Variants in PAIP1 observed in about 807,000 individuals in gnomAD.
PAIP1 encodes the protein polyadenylate-binding protein-interacting protein 1.
PAIP1 carries 16 observed loss-of-function variants against 61.3 expected under a neutral mutation model. The ratio of observed to expected loss-of-function variants is 0.26; its 90% CI spans 0.18 to 0.40. The LOEUF (loss-of-function observed/expected upper bound fraction) is 0.40. Ranked by LOEUF, PAIP1 falls within the 10% of genes least tolerant of loss-of-function variation. PAIP1 has a pLI of 1.00. For synonymous variants in PAIP1, 187 were observed against 226.2 expected, an observed-to-expected ratio of 0.83 and a Z score of 1.56; for missense variants, 416 against 600.9, an observed-to-expected ratio of 0.69 and a Z score of 3.22.
chr5:43,535,005 A>T, intron 7 of PAIP1, 35 bp from the exon 8 acceptor site: 4 of 1,126,562 alleles, frequency 3.6e-6, no homozygotes, highest in Non-Finnish European at 5.4e-6. Context: ...TAGTGTATCC[A>T]CCATAAGGGC....
At chr5:43,546,143 A>G (rs945007824) in intron 3 of PAIP1, among the ~76,000 whole-genome samples, 3 of 152,246 alleles carry the variant, frequency 2.0e-5, no homozygotes, top group African/African-American at 4.8e-5. Context: ...AATTACCTCA[A>G]TGAAACTTAG....
chr5:43,543,114 G>C lies in PAIP1; in HGVS notation c.624C>G (p.Ala208=). 6.4e-7 allele frequency: 1 copy of C among 1,555,486 alleles called. No individual in the cohort carries two copies. Among genetic ancestry groups the C allele is most frequent in the Non-Finnish European group, 8.9e-7 (1 of 1,128,494 alleles). ...QELVELIYQQ[A]TSIPNFSYMG... is the part of the protein sequence containing the mutation. ...TATAAGAGAAATTTGGGATAGATGTGGCCTTTTAAAAAGAAGAAAAGTGTT... is the reference window on the plus strand; with the variant it reads ...TATAAGAGAAATTTGGGATAGATGTCGCCTTTTAAAAAGAAGAAAAGTGTT... Residue 208 remains alanine (A), a splice_region_variant and synonymous_variant, in exon 4 of 11, where the codon GCC becomes GCG. Transcript: ENST00000306846.
chr5:43,553,324 A>G (rs1236546838), intron 2 of PAIP1, among the ~76,000 whole-genome samples: 1 of 152,220 alleles, frequency 6.6e-6, no homozygotes, highest in Non-Finnish European at 1.5e-5. Flanking sequence ...TTAAGAAAGC[A>G]CAGCAGAAGA....
intron 5 of PAIP1, 79 bp downstream of exon 5, chr5:43,538,845 A>C (rs1747263677): frequency 1.3e-6 from 1 of 764,554 alleles, no homozygotes; most frequent in African/African-American, 1.7e-5. Flanking sequence ...TAAAAGTACA[A>C]TGTGAACACA....
At position 43,555,722 on chromosome 5, in the gene PAIP1, T is replaced by A. The variant is rs187245870; in HGVS notation, c.435+108A>T. 5.7e-5 allele frequency: 47 copies of A among 825,298 alleles called. 1 individual carries two copies. Among genetic ancestry groups the A allele is most frequent in the South Asian group, 3.0e-4 (12 of 40,054 alleles). 51.1% of individuals were successfully genotyped at this position (825,298 alleles called of 1,614,324 possible). A position where few individuals can be genotyped will look rare whatever the true frequency, so the allele number is the denominator to read the frequency against. On this transcript the variant is annotated intron_variant, in intron 2 of 10. Transcript: ENST00000306846. ...ATTCAAAACATTCACAATAAAAAAA[T>A]TTTTTTACGTGTAGTACAGAAAGCA... is the stretch of plus-strand genomic sequence containing the variant.
chr5:43,534,923 T>C lies in PAIP1; in HGVS notation c.1127A>G (p.Asn376Ser). 1 of 1,611,324 alleles carries C rather than the reference T, an allele frequency of 6.2e-7. No homozygotes were observed. Among genetic ancestry groups the C allele is most frequent in the South Asian group, 1.1e-5 (1 of 91,002 alleles). The part of the protein sequence containing the change: ...LLKLVELRSS[N>S]WGRVHATSTY... ...TGAAGTTGCATGGACTCTGCCCCAG[T>C]TACTTGACCGGAGTTCTACAAGCTT... The change falls in exon 8 of 11, where the codon AAC (asparagine) becomes AGC (serine). Residue 376 changes from asparagine (N) to serine (S), a missense_variant. By Grantham distance (46) the Asn-to-Ser change is conservative. Transcript: ENST00000306846.
chr5:43,552,926 A>G (rs1219007373), intron 2 of PAIP1, among the ~76,000 whole-genome samples: 1 of 152,200 alleles, frequency 6.6e-6, no homozygotes, highest in Non-Finnish European at 1.5e-5. Flanking sequence ...TATCAATACA[A>G]TTAGGGAGAT....
At chr5:43,549,470 A>G (rs1289413914) in intron 2 of PAIP1, among the ~76,000 whole-genome samples, 2 of 152,014 alleles carry the variant, frequency 1.3e-5, no homozygotes, top group Non-Finnish European at 2.9e-5. Context: ...TGATGGGTTT[A>G]TCAGGGGTTT....
Position 43,556,805 on chromosome 5 carries a change from G to A in PAIP1, c.42C>T (p.Gly14=). ...CTCCGCGGCCCAGGCCCCGGCTCCGGCCCCGACCAGCACCTGGGGCCCGAT... is the reference window on the plus strand; with the variant it reads ...CTCCGCGGCCCAGGCCCCGGCTCCGACCCCGACCAGCACCTGGGGCCCGAT... The part of the protein sequence containing the change: ...GFDRAPGAGR[G]RSRGLGRGGG... The change falls in exon 1 of 11, where the codon GGC becomes GGT. Residue 14 remains glycine, a synonymous_variant. Coordinates refer to ENST00000306846, the MANE Select transcript of PAIP1 (RefSeq NM_006451.5). The A allele has an allele frequency of 1.4e-6, 2 of 1,452,426 alleles. No homozygotes were observed. Among genetic ancestry groups the A allele is most frequent in the East Asian group, 3.0e-5 (1 of 32,840 alleles). The allele number at this position is 1,452,426 out of a possible 1,614,324, so 90.0% of individuals were successfully genotyped here.
rs889473619 is a variant in PAIP1 at position 43,526,690 on chromosome 5, C to G, written c.*686G>C. On this transcript the variant is annotated 3_prime_UTR_variant, in exon 11 of 11. Coordinates refer to ENST00000306846, the MANE Select transcript of PAIP1 (RefSeq NM_006451.5). The stretch of plus-strand genomic sequence containing the variant: ...AAATAAAGCAGAATAATGTTCTAGC[C>G]TTTAAGGTAATGAAGTTAGTCAGTT... The G allele has an allele frequency of 2.9e-5, 4 of 138,738 alleles. No individual in the cohort carries two copies. The highest frequency in any genetic ancestry group is 8.0e-5 in the African/African-American group (3 of 37,336). 8.6% of individuals were successfully genotyped at this position (138,738 alleles called of 1,614,324 possible). A position where few individuals can be genotyped will look rare whatever the true frequency, so the allele number is the denominator to read the frequency against.
At chr5:43,553,341 T>G (rs763245088) in intron 2 of PAIP1, among the ~76,000 whole-genome samples, 1 of 152,066 alleles carries the variant, frequency 6.6e-6, no homozygotes, top group East Asian at 1.9e-4. Flanking sequence ...AAGACTACCA[T>G]AAAGGCTGTT....
chr5:43,529,663 A>G (rs1181745254), intron 10 of PAIP1, 123 bp downstream of exon 10: 4 of 694,506 alleles, frequency 5.8e-6, no homozygotes, highest in African/African-American at 5.3e-5. Context: ...AAGTGTTGGG[A>G]TTACAGGCAC....
Position 43,556,905 on chromosome 5 carries a change from G to T in PAIP1, c.-59C>A. The stretch of plus-strand genomic sequence containing the variant: ...GCTGCCGCTGCGCTCGCGATAGGAC[G>T]CGGGGGGAAGGCGCCGCGGGTCGGC... On this transcript the variant is annotated 5_prime_UTR_variant, in exon 1 of 11. Transcript: ENST00000306846. The T allele has an allele frequency of 7.5e-7, 1 of 1,329,754 alleles. No homozygotes were observed. 82.4% of individuals were successfully genotyped at this position (1,329,754 alleles called of 1,614,324 possible).
chr5:43,527,469 T>A lies in PAIP1; in HGVS notation c.1347A>T (p.Pro449=). The A allele has an allele frequency of 3.1e-6, 5 of 1,603,528 alleles. No homozygotes were observed. The highest frequency in any genetic ancestry group is 4.3e-6 in the Non-Finnish European group (5 of 1,175,286). The change falls in exon 11 of 11, where the codon CCA becomes CCT. Residue 449 remains proline, a splice_region_variant and synonymous_variant. Coordinates refer to ENST00000306846, the MANE Select transcript of PAIP1 (RefSeq NM_006451.5). The stretch of plus-strand genomic sequence containing the variant: ...TCTCATCATCAATATCATCCAAGTA[T>A]CTGTAAAAGCAAAGATGATTCATAA... ...NGTDLSGAGD[P]YLDDIDDEMD... is the part of the protein sequence containing the mutation.
chr5:43,548,805 G>A (rs1391585525), intron 2 of PAIP1, among the ~76,000 whole-genome samples: 2 of 152,108 alleles, frequency 1.3e-5, no homozygotes, highest in African/African-American at 4.8e-5. Context: ...TAAATGAAAA[G>A]CCACATAAAA....
chr5:43,544,970 T>A (rs1218023821), intron 3 of PAIP1, among the ~76,000 whole-genome samples: 1 of 152,240 alleles, frequency 6.6e-6, no homozygotes, highest in Non-Finnish European at 1.5e-5. Flanking sequence ...TCACCCTGCT[T>A]AATTTCACCC....
chr5:43,556,272 G>A lies in PAIP1; in HGVS notation c.266-273C>T, dbSNP rs573218721. 336 of 1,272,504 alleles carry A rather than the reference G, an allele frequency of 2.6e-4. 2 individuals carry two copies. In the Middle Eastern group the frequency reaches 6.2e-3, roughly 24 times the overall value. 78.8% of individuals were successfully genotyped at this position (1,272,504 alleles called of 1,614,324 possible). A position where few individuals can be genotyped will look rare whatever the true frequency, so the allele number is the denominator to read the frequency against. ...TTTTAAAGGGGTCGGTGGAAAAGAG[G>A]TGGTTACTCGCTAGGGTCTCGCTTT... On this transcript the variant is annotated intron_variant, in intron 1 of 10. Transcript: ENST00000306846.
chr5:43,532,138 A>C (rs1167300281), intron 9 of PAIP1, among the ~76,000 whole-genome samples: 1 of 152,206 alleles, frequency 6.6e-6, no homozygotes, highest in Non-Finnish European at 1.5e-5. Context: ...GAAACTGAAC[A>C]ACCAAACTGA....
At chr5:43,555,369 T>C (rs1029085012) in intron 2 of PAIP1, among the ~76,000 whole-genome samples, 11 of 152,248 alleles carry the variant, frequency 7.2e-5, no homozygotes, top group Non-Finnish European at 1.6e-4. Context: ...TCTGGGTTTA[T>C]CCAGTACAAC....
Sources: allele counts gnomAD v4.1 joint callset (sites outside exome capture counted in the v4.1 genomes callset), GRCh38; gene constraint gnomAD v4.1.1; transcripts MANE v1.5; gene names NCBI Gene and HGNC (gene_info 2026-07-23, HGNC 2026-07-21).